The following CEP85L variants were observed in gnomAD, a reference collection of about 807,000 sequenced individuals.
CEP85L encodes the protein centrosomal protein of 85 kDa-like.
A neutral mutation model predicts 100.3 loss-of-function variants in CEP85L; 60 were observed. The observed-to-expected ratio is 0.60, with a 90% CI of 0.49 to 0.74. The LOEUF (loss-of-function observed/expected upper bound fraction) is 0.74, where lower values mean the gene tolerates loss of function less well. Ranked by LOEUF, CEP85L falls within the 30% of genes least tolerant of loss-of-function variation. The pLI is 0.00. For synonymous variants in CEP85L, 319 were observed against 322.7 expected (o/e 0.99, Z 0.12); for missense variants, 973 against 936.2 (o/e 1.04, Z -0.51).
chr6:118,700,471 T>C (rs1475776564), intron 1 of CEP85L, among the ~76,000 whole-genome samples: 2 of 152,246 alleles, frequency 1.3e-5, no homozygotes, highest in Non-Finnish European at 2.9e-5. Context: ...TATTGCTGAA[T>C]TCTGTGTGAT....
chr6:118,470,480 A>G, intron 11 of CEP85L, 57 bp downstream of exon 11: 1 of 967,218 alleles, frequency 1.0e-6, no homozygotes, highest in Non-Finnish European at 1.5e-6. Context: ...TATCTATAAA[A>G]TAAGCATTTT....
At chr6:118,651,893 C>A (rs949815673), upstream of CEP85L, 22 of 985,618 alleles carry the variant, frequency 2.2e-5, no homozygotes, top group African/African-American at 3.5e-4. Context: ...CGCCCTCCCT[C>A]CGGGCACCTC....
rs575841189 is a variant in CEP85L at position 118,488,162 on chromosome 6, G to C, written c.1437+3524C>G. Among the ~76,000 whole-genome samples the C allele has an allele frequency of 1.1e-3, 170 of 151,944 alleles. 1 individual carries two copies. The highest frequency in any genetic ancestry group is 3.9e-3 in the African/African-American group (161 of 41,410). On this transcript the variant is annotated intron_variant, in intron 6 of 12. Transcript: ENST00000368491. ...ATACAAGTATCAACTTAAAGAGGGA[G>C]GAAAAATTAACACACAGGGAAATAT...
chr6:118,665,239 G>A (rs991767598), intron 1 of CEP85L, among the ~76,000 whole-genome samples: 1 of 151,994 alleles, frequency 6.6e-6, no homozygotes, highest in South Asian at 2.1e-4. Context: ...AGCTTCCTTG[G>A]GCTAGAAACA....
intron 3 of CEP85L, among the ~76,000 whole-genome samples, chr6:118,526,288 T>C (rs113455246): frequency 0.013 from 1,936 of 152,292 alleles, 51 homozygotes; most frequent in African/African-American, 0.044. Flanking sequence ...TACACCACTG[T>C]GCGGACTGTC....
At chr6:118,698,393 T>C (rs1282086659) in intron 1 of CEP85L, among the ~76,000 whole-genome samples, 1 of 152,246 alleles carries the variant, frequency 6.6e-6, no homozygotes. Context: ...AGCATATCCC[T>C]GGATGATGAG....
At chr6:118,665,726 G>T (rs1263242971) in intron 1 of CEP85L, among the ~76,000 whole-genome samples, 2 of 152,044 alleles carry the variant, frequency 1.3e-5, no homozygotes, top group Non-Finnish European at 2.9e-5. Flanking sequence ...GGGTACTCAG[G>T]TTCTTCAACA....
intron 2 of CEP85L, among the ~76,000 whole-genome samples, chr6:118,608,292 G>A (rs975825950): frequency 9.2e-5 from 14 of 152,064 alleles, no homozygotes; most frequent in African/African-American, 7.2e-5. Flanking sequence ...TCAGGAGATC[G>A]AGACCATCCT....
chr6:118,478,952 G>A lies in CEP85L; in HGVS notation c.1914+919C>T, dbSNP rs75306929. Among the ~76,000 whole-genome samples, 6 of 152,186 alleles carry A rather than the reference G, an allele frequency of 3.9e-5. No homozygotes were observed. In the East Asian group the frequency reaches 9.7e-4, roughly 24 times the overall value. ...GTTTCAATGCCAAAGTTCAAGTGTC[G>A]ATTATTCTTAATTTAGATTGAGATA... On this transcript the variant is annotated intron_variant, in intron 10 of 12. Coordinates refer to ENST00000368491, the MANE Select transcript of CEP85L (RefSeq NM_001042475.3).
At chr6:118,542,737 T>A (rs1266211408) in intron 3 of CEP85L, among the ~76,000 whole-genome samples, 1 of 151,832 alleles carries the variant, frequency 6.6e-6, no homozygotes, top group Non-Finnish European at 1.5e-5. Flanking sequence ...AACTATGGAA[T>A]GCCATTGTTT....
At chr6:118,480,987 C>G (rs1228687717) in intron 8 of CEP85L, among the ~76,000 whole-genome samples, 1 of 151,778 alleles carries the variant, frequency 6.6e-6, no homozygotes, top group Non-Finnish European at 1.5e-5. Flanking sequence ...AGTTGCATTT[C>G]TCTTTCATTT....
chr6:118,634,167 T>G (rs1774343445), intron 1 of CEP85L, among the ~76,000 whole-genome samples: 1 of 152,234 alleles, frequency 6.6e-6, no homozygotes, highest in Non-Finnish European at 1.5e-5. Flanking sequence ...GATACCCTAT[T>G]GAAACCGGCA....
At chr6:118,632,095 T>C (rs1210582976) in intron 2 of CEP85L, among the ~76,000 whole-genome samples, 4 of 152,160 alleles carry the variant, frequency 2.6e-5, no homozygotes, top group Admixed American at 6.5e-5. Flanking sequence ...GTTCACGCCA[T>C]TCTCGTGCCT....
At chr6:118,657,320 A>G (rs1042327749), upstream of CEP85L, among the ~76,000 whole-genome samples, 5 of 152,174 alleles carry the variant, frequency 3.3e-5, no homozygotes, top group Non-Finnish European at 7.4e-5. Flanking sequence ...AGAGAAAGGC[A>G]GAATTGAGAG....
chr6:118,540,013 G>A (rs992082008), intron 3 of CEP85L, among the ~76,000 whole-genome samples: 3 of 151,154 alleles, frequency 2.0e-5, no homozygotes, highest in Non-Finnish European at 4.4e-5. Context: ...ATATGTATAG[G>A]TCATAAAACA....
At chr6:118,486,784 T>C (rs1426011190) in intron 6 of CEP85L, among the ~76,000 whole-genome samples, 1 of 152,156 alleles carries the variant, frequency 6.6e-6, no homozygotes, top group Non-Finnish European at 1.5e-5. Context: ...CTCTACCATA[T>C]TTGCATCTGT....
chr6:118,593,396 C>G (rs945731421), intron 2 of CEP85L, among the ~76,000 whole-genome samples: 5 of 150,764 alleles, frequency 3.3e-5, no homozygotes, highest in Non-Finnish European at 5.9e-5. Context: ...AAATATCGAG[C>G]CTGAGGTTTT....
At chr6:118,538,846 A>C (rs1277546793) in intron 3 of CEP85L, among the ~76,000 whole-genome samples, 1 of 152,134 alleles carries the variant, frequency 6.6e-6, no homozygotes, top group East Asian at 1.9e-4. Flanking sequence ...TTAAATTTTT[A>C]GATGAAATAT....
intron 3 of CEP85L, among the ~76,000 whole-genome samples, chr6:118,556,289 T>C (rs1326958970): frequency 2.6e-5 from 4 of 152,204 alleles, no homozygotes; most frequent in African/African-American, 7.2e-5. Flanking sequence ...GAAGAATATA[T>C]GCTAGAAAAA....
Sources: gnomAD v4.1 joint callset for allele counts (sites outside exome capture counted in the v4.1 genomes callset) on GRCh38, gnomAD v4.1.1 for gene constraint, MANE v1.5 for transcripts, NCBI Gene and HGNC (gene_info 2026-07-23, HGNC 2026-07-21) for gene names.